FOXN3: variants seen among roughly 807,000 people sequenced by gnomAD.
FOXN3 encodes the protein forkhead box protein N3.
FOXN3 carries 7 observed loss-of-function variants against 38.4 expected under a neutral mutation model. That is an observed-to-expected ratio of 0.18 (90% CI 0.10 to 0.34). The LOEUF is 0.34. FOXN3 is among the 10% of genes least tolerant of loss of function. The pLI is 1.00. For missense variants in FOXN3, 456 were observed against 613.4 expected, an observed-to-expected ratio of 0.74 and a Z score of 2.71; for synonymous variants, 230 against 242.2, an observed-to-expected ratio of 0.95 and a Z score of 0.47.
At chr14:89,313,663 G>A (rs1887638761) in intron 3 of FOXN3, among the ~76,000 whole-genome samples, 1 of 144,278 alleles carries the variant, frequency 6.9e-6, no homozygotes, top group South Asian at 2.1e-4. Flanking sequence ...TGTGGGTAAA[G>A]TCACATGTGA....
At chr14:89,201,417 G>C (rs772005574) in intron 4 of FOXN3, among the ~76,000 whole-genome samples, 1 of 152,216 alleles carries the variant, frequency 6.6e-6, no homozygotes, top group African/African-American at 2.4e-5. Context: ...TCTTCATCCA[G>C]TGTTACAGCT....
At chr14:89,452,201 G>C (rs530628519) in intron 1 of FOXN3, among the ~76,000 whole-genome samples, 11 of 152,202 alleles carry the variant, frequency 7.2e-5, no homozygotes, top group African/African-American at 2.6e-4. Context: ...TGTATCCTAC[G>C]GGGCAGAAGG....
intron 5 of FOXN3, 48 bp downstream of exon 5, chr14:89,180,653 C>A: frequency 7.1e-7 from 1 of 1,400,292 alleles, no homozygotes; most frequent in Non-Finnish European, 9.7e-7. Flanking sequence ...CAGAAAGCTG[C>A]CCTTCCCACT....
At chr14:89,428,302 C>T (rs1292040505) in intron 1 of FOXN3, among the ~76,000 whole-genome samples, 2 of 152,172 alleles carry the variant, frequency 1.3e-5, no homozygotes, top group Non-Finnish European at 2.9e-5. Flanking sequence ...TAGTCAAGTT[C>T]ACCAACCCTT....
intron 3 of FOXN3, among the ~76,000 whole-genome samples, chr14:89,315,402 C>T (rs971853846): frequency 2.0e-5 from 3 of 152,240 alleles, no homozygotes; most frequent in Non-Finnish European, 2.9e-5. Flanking sequence ...TGAAGCCAGG[C>T]GTCAATAGTC....
chr14:89,427,793 T>A lies in FOXN3; in HGVS notation c.-14-15303A>T, dbSNP rs115162104. Among the ~76,000 whole-genome samples the A allele has an allele frequency of 7.6e-3, 1,154 of 152,210 alleles. 16 individuals carry two copies. The highest frequency in any genetic ancestry group is 0.027 in the African/African-American group (1,106 of 41,512). ...GGGCAAGGGACTCTGTTTTCTCTTC[T>A]GCTCATAGCACATGGCACAGTGGTA... On this transcript the variant is annotated intron_variant, in intron 1 of 6. Transcript: ENST00000345097.
At chr14:89,390,702 C>T (rs8012881) in intron 2 of FOXN3, among the ~76,000 whole-genome samples, 29,975 of 152,010 alleles carry the variant, frequency 0.2, 3,103 homozygotes, top group South Asian at 0.38. Flanking sequence ...ATTGAATCTA[C>T]TCGTATGACC....
At chr14:89,599,245 A>C (rs186679221) in intron 1 of FOXN3, among the ~76,000 whole-genome samples, 16 of 152,288 alleles carry the variant, frequency 1.1e-4, no homozygotes, top group Non-Finnish European at 2.1e-4. Flanking sequence ...ACACAGCATA[A>C]AATTCACCCA....
chr14:89,473,270 C>A (rs550932687), intron 1 of FOXN3, among the ~76,000 whole-genome samples: 1 of 152,120 alleles, frequency 6.6e-6, no homozygotes, highest in South Asian at 2.1e-4. Flanking sequence ...GTGATCCTCC[C>A]GCCTCGGCCT....
chr14:89,173,125 A>G (rs773171851), intron 5 of FOXN3, among the ~76,000 whole-genome samples: 12 of 152,236 alleles, frequency 7.9e-5, no homozygotes, highest in Non-Finnish European at 1.3e-4. Flanking sequence ...GAAAAAAGGG[A>G]ACCCAGTAGA....
chr14:89,200,106 A>G (rs1386477487), intron 4 of FOXN3, among the ~76,000 whole-genome samples: 14 of 152,082 alleles, frequency 9.2e-5, no homozygotes, highest in Admixed American at 7.9e-4. Context: ...AAACAAACAC[A>G]CACATCTCCA....
intron 3 of FOXN3, among the ~76,000 whole-genome samples, chr14:89,319,816 G>A (rs1887846953): frequency 1.3e-5 from 2 of 152,192 alleles, no homozygotes; most frequent in Non-Finnish European, 2.9e-5. Context: ...CTTGAGTAAT[G>A]TTCAGATGAT....
chr14:89,413,788 AGGG>A (rs1891611978), intron 1 of FOXN3, among the ~76,000 whole-genome samples: 2 of 141,470 alleles, frequency 1.4e-5, no homozygotes, highest in African/African-American at 2.6e-5. Flanking sequence ...AAAGAAGGGA[AGGG>A]AAAGAAGAAA....
chr14:89,236,897 G>A (rs1425156790), intron 4 of FOXN3, among the ~76,000 whole-genome samples: 1 of 152,124 alleles, frequency 6.6e-6, no homozygotes, highest in African/African-American at 2.4e-5. Flanking sequence ...CCAGCCACAT[G>A]TACCCCACCA....
intron 4 of FOXN3, among the ~76,000 whole-genome samples, chr14:89,262,189 G>A (rs1885830442): frequency 2.6e-5 from 4 of 152,196 alleles, no homozygotes; most frequent in African/African-American, 9.6e-5. Flanking sequence ...ACTGACCTGA[G>A]AAGGGGCAGG....
intron 2 of FOXN3, among the ~76,000 whole-genome samples, chr14:89,402,893 C>G (rs775704295): frequency 2.0e-4 from 30 of 152,246 alleles, no homozygotes; most frequent in Non-Finnish European, 4.0e-4. Flanking sequence ...AAGCCTCCTT[C>G]TGATCAATCC....
chr14:89,555,882 G>GGGGGGGGGGT (rs1895112250), intron 1 of FOXN3, among the ~76,000 whole-genome samples: 1 of 104,590 alleles, frequency 9.6e-6, no homozygotes, highest in Admixed American at 1.1e-4. Context: ...TGTGTATGTG[G>GGGGGGGGGGT]GGGTGTATGT....
intron 4 of FOXN3, among the ~76,000 whole-genome samples, chr14:89,200,115 C>CAAGT (rs946524707): frequency 6.6e-6 from 1 of 152,094 alleles, no homozygotes; most frequent in African/African-American, 2.4e-5. Flanking sequence ...CACACATCTC[C>CAAGT]AAGTAAGCTC....
rs73321211 is a variant in FOXN3 at position 89,174,909 on chromosome 14, C to T, written c.851+5792G>A. On this transcript the variant is annotated intron_variant, in intron 5 of 5. Transcript: ENST00000557258. ...CCATGATTTCAAAGACAAAGGCCAA[C>T]AGGTGTTTGGTCTTTACATACAGAA... Among the ~76,000 whole-genome samples the T allele has an allele frequency of 2.9e-3, 438 of 152,304 alleles. 2 individuals are homozygous for T. The highest frequency in any genetic ancestry group is 0.01 in the African/African-American group (424 of 41,570).
Sources: gnomAD v4.1 joint callset for allele counts (sites outside exome capture counted in the v4.1 genomes callset) on GRCh38, gnomAD v4.1.1 for gene constraint, MANE v1.5 for transcripts, NCBI Gene and HGNC (gene_info 2026-07-23, HGNC 2026-07-21) for gene names.